IQCM: variants seen among roughly 807,000 people sequenced by gnomAD.
IQCM encodes the protein IQ motif containing M.
IQCM carries 45 observed loss-of-function variants against 57.6 expected under a neutral mutation model. The observed-to-expected ratio is 0.78, with a 90% CI of 0.62 to 1.00. The LOEUF is 1.00. Ranked by LOEUF, IQCM falls within the 50% of genes least tolerant of loss-of-function variation. The probability of loss-of-function intolerance (pLI) is 0.00; values close to 1 mark genes in which losing one functional copy is unlikely to be tolerated. For missense variants in IQCM, 468 were observed against 511.6 expected (o/e 0.91, Z 0.82); for synonymous variants, 148 against 158.9 (o/e 0.93, Z 0.51).
chr4:149,374,811 C>T (rs1398300210), intron 13 of IQCM, among the ~76,000 whole-genome samples: 1 of 152,080 alleles, frequency 6.6e-6, no homozygotes, highest in Non-Finnish European at 1.5e-5. Context: ...GCTGTTGCTG[C>T]TTGATCTTGC....
intron 7 of IQCM, among the ~76,000 whole-genome samples, chr4:149,622,415 T>TC (rs548682231): frequency 1.7e-3 from 252 of 150,962 alleles, no homozygotes; most frequent in Non-Finnish European, 2.5e-3. Context: ...CGATCTCGGC[T>TC]CACTGCAAGC....
chr4:149,644,532 T>C (rs1394152849), intron 7 of IQCM, among the ~76,000 whole-genome samples: 3 of 152,248 alleles, frequency 2.0e-5, no homozygotes, highest in Non-Finnish European at 4.4e-5. Context: ...TCTTGTTATA[T>C]ACTCTTATCT....
chr4:149,748,569 A>G (rs1377578617), intron 2 of IQCM: 1 of 152,144 alleles, frequency 6.6e-6, no homozygotes, highest in Non-Finnish European at 1.5e-5. Context: ...ATTCTGAGCC[A>G]TATTCAACAA....
At chr4:149,504,890 C>T (rs1321841460) in intron 12 of IQCM, among the ~76,000 whole-genome samples, 1 of 152,008 alleles carries the variant, frequency 6.6e-6, no homozygotes, top group African/African-American at 2.4e-5. Flanking sequence ...GACTCTGTCT[C>T]AAAACAACAG....
At chr4:149,401,039 C>T (rs2111129627) in intron 13 of IQCM, among the ~76,000 whole-genome samples, 1 of 151,836 alleles carries the variant, frequency 6.6e-6, no homozygotes. Flanking sequence ...GTGCTCAATA[C>T]ATTCACAATA....
intron 5 of IQCM, among the ~76,000 whole-genome samples, chr4:149,709,435 T>A (rs865844766): frequency 1.3e-5 from 2 of 152,136 alleles, no homozygotes; most frequent in African/African-American, 2.4e-5. Flanking sequence ...TATGAGCATA[T>A]ATACTCTTTT....
intron 13 of IQCM, among the ~76,000 whole-genome samples, chr4:149,403,881 T>C (rs1732793075): frequency 6.6e-6 from 1 of 152,082 alleles, no homozygotes; most frequent in South Asian, 2.1e-4. Context: ...TTTTCATTTT[T>C]TAAATATTCA....
intron 13 of IQCM, among the ~76,000 whole-genome samples, chr4:149,384,195 T>C (rs1240316877): frequency 6.6e-6 from 1 of 152,130 alleles, no homozygotes; most frequent in Non-Finnish European, 1.5e-5. Context: ...TTGCATTATG[T>C]GACTGAAAGG....
intron 8 of IQCM, among the ~76,000 whole-genome samples, chr4:149,595,909 G>T (rs2150021353): frequency 6.6e-6 from 1 of 152,140 alleles, no homozygotes; most frequent in Middle Eastern, 3.4e-3. Flanking sequence ...CAGAGGTGAA[G>T]GTATCCTAAA....
At chr4:149,565,667 C>T (rs116480701) in intron 9 of IQCM, among the ~76,000 whole-genome samples, 413 of 152,210 alleles carry the variant, frequency 2.7e-3, no homozygotes, top group African/African-American at 9.7e-3. Context: ...CCTTCCTACT[C>T]CCAAGTAGCT....
In IQCM at chr4:149,523,119, G is replaced by A. The variant is rs1024843949; in HGVS notation, c.1228+25336C>T. Among the ~76,000 whole-genome samples the A allele has an allele frequency of 9.9e-5, 15 of 152,122 alleles. No individual in the cohort carries two copies. The Middle Eastern group carries it at 0.014, about 138-fold the overall frequency. On this transcript the variant is annotated intron_variant, in intron 12 of 13. Transcript: ENST00000636793. The stretch of plus-strand genomic sequence containing the variant: ...GTTTATAGAAAACTGCCTTATACTC[G>A]TATCCTCACATGGCAGACAGCAGAG...
At chr4:149,387,592 C>T (rs1461686304) in intron 13 of IQCM, among the ~76,000 whole-genome samples, 1 of 151,960 alleles carries the variant, frequency 6.6e-6, no homozygotes, top group Non-Finnish European at 1.5e-5. Flanking sequence ...TTGGTTTGCC[C>T]TAAAATATAG....
At position 149,538,910 on chromosome 4, in the gene IQCM, A is replaced by G. The variant is rs556937393; in HGVS notation, c.1228+9545T>C. Among the ~76,000 whole-genome samples the G allele has an allele frequency of 5.7e-4, 86 of 152,176 alleles. 1 individual carries two copies. Among genetic ancestry groups the G allele is most frequent in the Non-Finnish European group, 1.6e-4 (11 of 67,976 alleles). ...AGCCTGGGGAAAAAAAATGCTTGCA[A>G]ATTATATATCTGATAAAGAATTTGT... On this transcript the variant is annotated intron_variant, in intron 12 of 13. Transcript: ENST00000636793.
At chr4:149,695,555 A>C (rs2149803480) in intron 5 of IQCM, among the ~76,000 whole-genome samples, 1 of 152,322 alleles carries the variant, frequency 6.6e-6, no homozygotes, top group South Asian at 2.1e-4. Context: ...TGTGGTTTGA[A>C]GAAACAGACA....
intron 13 of IQCM, among the ~76,000 whole-genome samples, chr4:149,362,845 C>G (rs1729587935): frequency 6.6e-6 from 1 of 152,160 alleles, no homozygotes. Context: ...GGACCTCTGA[C>G]CAACAAAACT....
chr4:149,380,770 A>C (rs1731023771), intron 13 of IQCM, among the ~76,000 whole-genome samples: 1 of 152,136 alleles, frequency 6.6e-6, no homozygotes, highest in African/African-American at 2.4e-5. Flanking sequence ...AGAGAGGGAG[A>C]GAGAGCCAAT....
At chr4:149,400,380 T>C (rs1732533628) in intron 13 of IQCM, among the ~76,000 whole-genome samples, 1 of 152,046 alleles carries the variant, frequency 6.6e-6, no homozygotes, top group African/African-American at 2.4e-5. Flanking sequence ...TGTGAGTGCC[T>C]TATGGCACCA....
At chr4:149,548,032 G>T (rs1363779659) in intron 12 of IQCM, among the ~76,000 whole-genome samples, 1 of 151,992 alleles carries the variant, frequency 6.6e-6, no homozygotes, top group Non-Finnish European at 1.5e-5. Flanking sequence ...TATTGAAATA[G>T]CTTACAATGT....
At chr4:149,450,436 G>T (rs1400345922) in intron 12 of IQCM, among the ~76,000 whole-genome samples, 1 of 151,644 alleles carries the variant, frequency 6.6e-6, no homozygotes, top group Non-Finnish European at 1.5e-5. Context: ...CACATAGAAT[G>T]GTAGAAAATA....
Sources: allele counts gnomAD v4.1 joint callset (sites outside exome capture counted in the v4.1 genomes callset), GRCh38; gene constraint gnomAD v4.1.1; transcripts MANE v1.5; gene names NCBI Gene and HGNC (gene_info 2026-07-23, HGNC 2026-07-21).